The following FAM120A variants were observed in gnomAD, a reference collection of about 807,000 sequenced individuals.
FAM120A encodes the protein constitutive coactivator of PPAR-gamma-like protein 1.
FAM120A carries 15 observed loss-of-function variants against 109.7 expected under a neutral mutation model. The ratio of observed to expected loss-of-function variants is 0.14; its 90% CI spans 0.09 to 0.21. The LOEUF is 0.21. Among genes scored for constraint, FAM120A ranks in the 10% least tolerant of loss-of-function variants. The pLI is 1.00. For missense variants in FAM120A, 899 were observed against 1,439.3 expected, an observed-to-expected ratio of 0.62 and a Z score of 6.07; for synonymous variants, 493 against 572.8, an observed-to-expected ratio of 0.86 and a Z score of 1.99.
intron 1 of FAM120A, among the ~76,000 whole-genome samples, chr9:93,455,383 T>G: frequency 6.6e-6 from 1 of 152,176 alleles, no homozygotes. Context: ...GCAGGAGAGA[T>G]CTTTGTGGAG....
In FAM120A at chr9:93,452,739, C is replaced by A; in HGVS notation, c.474+350C>A. On this transcript the variant is annotated intron_variant, in intron 1 of 17. Coordinates refer to ENST00000277165, the MANE Select transcript of FAM120A (RefSeq NM_014612.5). The surrounding 1 kb of genome is among the most constrained non-coding windows in gnomAD (Gnocchi z 7.0). Reference sequence around the variant, plus strand: ...TTTGAGGCGGGCAGGCTATCACTCACCTTCAACTTTGACAAAATACTCCCT... The same window carrying A: ...TTTGAGGCGGGCAGGCTATCACTCAACTTCAACTTTGACAAAATACTCCCT... 2 of 1,597,504 alleles carry A rather than the reference C, an allele frequency of 1.3e-6. No individual in the cohort carries two copies. The highest frequency in any genetic ancestry group is 1.7e-6 in the Non-Finnish European group (2 of 1,179,636).
intron 10 of FAM120A, among the ~76,000 whole-genome samples, chr9:93,537,756 C>T (rs1248221437): frequency 6.6e-6 from 1 of 152,042 alleles, no homozygotes; most frequent in Non-Finnish European, 1.5e-5. Context: ...ACTAAGTCTG[C>T]TCACTGTGGA....
intron 9 of FAM120A, 51 bp downstream of exon 9, chr9:93,529,631 T>G: frequency 3.4e-4 from 465 of 1,381,198 alleles, no homozygotes; most frequent in Non-Finnish European, 4.4e-4. Context: ...TGAGTGGCCA[T>G]TCCTATGGGT....
intron 2 of FAM120A, among the ~76,000 whole-genome samples, chr9:93,472,032 G>C (rs889607422): frequency 6.6e-6 from 1 of 152,068 alleles, no homozygotes; most frequent in Non-Finnish European, 1.5e-5. Flanking sequence ...GGCCAAGGTG[G>C]GCAGCTCACC....
chr9:93,510,586 T>C lies in FAM120A; in HGVS notation c.1031-5081T>C, dbSNP rs149699818. On this transcript the variant is annotated intron_variant, in intron 5 of 17. Coordinates refer to ENST00000277165, the MANE Select transcript of FAM120A (RefSeq NM_014612.5). ...TTTATCTTATTTCATCATAGACTTA[T>C]AAAACACATTTCAGTGGCTAAATGG... Among the ~76,000 whole-genome samples, 507 of 152,348 alleles carry C rather than the reference T, an allele frequency of 3.3e-3. 2 individuals are homozygous for C. Among genetic ancestry groups the C allele is most frequent in the African/African-American group, 0.011 (456 of 41,574 alleles).
chr9:93,485,857 A>G (rs1240484264), intron 3 of FAM120A, among the ~76,000 whole-genome samples: 1 of 152,158 alleles, frequency 6.6e-6, no homozygotes, highest in African/African-American at 2.4e-5. Flanking sequence ...GGATTTGCCT[A>G]TTCTGGACAT....
chr9:93,556,346 T>C (rs1212700085), intron 12 of FAM120A, 36 bp from the exon 13 acceptor site: 7 of 1,544,018 alleles, frequency 4.5e-6, no homozygotes, highest in East Asian at 2.2e-5. Context: ...ACTGTAGTAC[T>C]CTTATTCCAT....
Position 93,556,487 on chromosome 9 carries a change from G to A in FAM120A, c.2380G>A (p.Glu794Lys). ...NDACGQPIPW[E>K]HCCPWMYFDG... ...TGCATGCGGACAGCCAATCCCCTGG[G>A]AACACTGTTGTCCTTGGATGTATTT... The change falls in exon 13 of 18, where the codon GAA (glutamate) becomes AAA (lysine). Residue 794 changes from glutamate (E) to lysine (K), a missense_variant. Physicochemically the swap from Glu to Lys is moderately conservative, Grantham distance 56. Coordinates refer to ENST00000277165, the MANE Select transcript of FAM120A (RefSeq NM_014612.5). 1 of 1,614,204 alleles carries A rather than the reference G, an allele frequency of 6.2e-7. No homozygotes were observed. The highest frequency in any genetic ancestry group is 8.5e-7 in the Non-Finnish European group (1 of 1,180,030).
chr9:93,464,464 G>A (rs867139602), intron 1 of FAM120A, among the ~76,000 whole-genome samples: 13 of 152,170 alleles, frequency 8.5e-5, no homozygotes, highest in Admixed American at 2.6e-4. Flanking sequence ...CTTGGGGAGG[G>A]GGTAGACAGG....
intron 4 of FAM120A, among the ~76,000 whole-genome samples, chr9:93,497,948 A>G (rs996567613): frequency 6.6e-6 from 1 of 152,270 alleles, no homozygotes; most frequent in African/African-American, 2.4e-5. Flanking sequence ...GAACTGTATC[A>G]AGTCAGTCAT....
At chr9:93,490,484 T>C (rs1268612040) in intron 3 of FAM120A, among the ~76,000 whole-genome samples, 1 of 152,232 alleles carries the variant, frequency 6.6e-6, no homozygotes, top group East Asian at 1.9e-4. Context: ...CAACATGTTA[T>C]ATGAAAAGGA....
At chr9:93,459,835 T>C (rs374418794) in intron 1 of FAM120A, among the ~76,000 whole-genome samples, 3 of 152,168 alleles carry the variant, frequency 2.0e-5, no homozygotes, top group East Asian at 1.9e-4. Flanking sequence ...ACAGCCCCCA[T>C]AGCAAAGAAT....
At chr9:93,489,354 G>T (rs897797677) in intron 3 of FAM120A, among the ~76,000 whole-genome samples, 6 of 151,554 alleles carry the variant, frequency 4.0e-5, no homozygotes, top group Admixed American at 1.3e-4. Flanking sequence ...CCCTCAAAAC[G>T]ATTAGAATAC....
chr9:93,456,540 G>A (rs975204471), intron 1 of FAM120A, among the ~76,000 whole-genome samples: 2 of 152,204 alleles, frequency 1.3e-5, no homozygotes, highest in Non-Finnish European at 2.9e-5. Flanking sequence ...GGAAGAGAAT[G>A]AACTGGTATC....
At chr9:93,492,277 C>G (rs767660813) in intron 3 of FAM120A, among the ~76,000 whole-genome samples, 1 of 152,058 alleles carries the variant, frequency 6.6e-6, no homozygotes, top group South Asian at 2.1e-4. Flanking sequence ...AAACACTTAA[C>G]AAGTTTCTAA....
Position 93,451,951 on chromosome 9 carries a change from G to A in FAM120A, c.36G>A (p.Lys12=). The A allele has an allele frequency of 1.3e-6, 2 of 1,532,366 alleles. No individual in the cohort carries two copies. The highest frequency in any genetic ancestry group is 1.8e-6 in the Non-Finnish European group (2 of 1,142,196). 94.9% of individuals were successfully genotyped at this position (1,532,366 alleles called of 1,614,324 possible). A position where few individuals can be genotyped will look rare whatever the true frequency, so the allele number is the denominator to read the frequency against. Residue 12 remains lysine (K), a synonymous_variant, in exon 1 of 18, where the codon AAG becomes AAA. Transcript: ENST00000277165. ...AGGGCTTCCAGGACTACATCGAGAA[G>A]CACTGCCCGAGCGCCGTGGTGCCGG... ...GVQGFQDYIE[K]HCPSAVVPVE...
chr9:93,564,704 C>A lies in FAM120A; in HGVS notation c.*164C>A. On this transcript the variant is annotated 3_prime_UTR_variant, in exon 18 of 18. Coordinates refer to ENST00000277165, the MANE Select transcript of FAM120A (RefSeq NM_014612.5). Reference sequence around the variant, plus strand: ...TTTGATATCAGAGATTTAAACAACACATTTTTAGTTTTAACCAGTTGTAGT... The same window carrying A: ...TTTGATATCAGAGATTTAAACAACAAATTTTTAGTTTTAACCAGTTGTAGT... 1.8e-6 allele frequency: 1 copy of A among 558,904 alleles called. No homozygotes were observed. The highest frequency in any genetic ancestry group is 3.0e-6 in the Non-Finnish European group (1 of 332,298). The allele number at this position is 558,904 out of a possible 1,614,324, so 34.6% of individuals were successfully genotyped here.
intron 7 of FAM120A, among the ~76,000 whole-genome samples, chr9:93,523,659 G>T (rs1860940568): frequency 6.6e-6 from 1 of 152,280 alleles, no homozygotes; most frequent in East Asian, 1.9e-4. Context: ...TCACTTGTGG[G>T]GTGCAAGGGG....
chr9:93,506,609 T>G (rs1267093366), intron 5 of FAM120A, among the ~76,000 whole-genome samples: 1 of 151,920 alleles, frequency 6.6e-6, no homozygotes, highest in Non-Finnish European at 1.5e-5. Flanking sequence ...CTTTTTTTTT[T>G]GTTTTCAAGA....
Sources: gnomAD v4.1 joint callset for allele counts (sites outside exome capture counted in the v4.1 genomes callset) on GRCh38, gnomAD v4.1.1 for gene constraint, Gnocchi (gnomAD v3.1) non-coding constraint, MANE v1.5 for transcripts, NCBI Gene and HGNC (gene_info 2026-07-23, HGNC 2026-07-21) for gene names.